Variants in CNTN5 observed in about 807,000 individuals in gnomAD.
CNTN5 encodes the protein contactin-5.
In CNTN5, 77 loss-of-function variants were observed where a neutral mutation model predicts 129.1. The ratio of observed to expected loss-of-function variants is 0.60; its 90% CI spans 0.50 to 0.72. CNTN5 has a LOEUF of 0.72. Ranked by LOEUF, CNTN5 falls within the 30% of genes least tolerant of loss-of-function variation. The pLI is 0.00. For synonymous variants in CNTN5, 509 were observed against 465.6 expected, an observed-to-expected ratio of 1.09 and a Z score of -1.20; for missense variants, 1,478 against 1,328.8, an observed-to-expected ratio of 1.11 and a Z score of -1.75.
At chr11:99,606,636 C>G (rs1167708250) in intron 3 of CNTN5, among the ~76,000 whole-genome samples, 12 of 137,112 alleles carry the variant, frequency 8.8e-5, no homozygotes, top group Non-Finnish European at 1.5e-4. Context: ...GCCCGCATCA[C>G]CAAGTCAATC....
In CNTN5 at chr11:100,086,429, A is replaced by C. The variant is rs534459606; in HGVS notation, c.1580+12135A>C. 2.0e-5 allele frequency among the ~76,000 whole-genome samples: 3 copies of C among 151,212 alleles called. No homozygotes were observed. The East Asian group carries it at 5.8e-4, about 29-fold the overall frequency. On this transcript the variant is annotated intron_variant, in intron 13 of 24. Transcript: ENST00000524871. ...GTGCAACCAGTAAAAGCATTGAAAT[A>C]AGGTATGCTATTTCCAAACTAGTTA...
intron 3 of CNTN5, among the ~76,000 whole-genome samples, chr11:99,719,947 T>G (rs914029966): frequency 3.3e-5 from 5 of 152,104 alleles, no homozygotes; most frequent in African/African-American, 1.2e-4. Context: ...GATAAATTAC[T>G]GGACACATAC....
intron 19 of CNTN5, 56 bp downstream of exon 19, chr11:100,297,751 G>T (rs1951127275): frequency 7.8e-7 from 1 of 1,287,224 alleles, no homozygotes; most frequent in South Asian, 1.3e-5. Flanking sequence ...GGCTTAGTGT[G>T]ATATTTAATT....
chr11:100,251,328 G>A (rs1026001806), intron 16 of CNTN5, among the ~76,000 whole-genome samples: 1 of 152,034 alleles, frequency 6.6e-6, no homozygotes, highest in African/African-American at 2.4e-5. Flanking sequence ...TGTATCCCAG[G>A]ATGTACATAG....
intron 3 of CNTN5, among the ~76,000 whole-genome samples, chr11:99,589,197 G>T (rs1374390973): frequency 2.0e-5 from 3 of 152,148 alleles, no homozygotes; most frequent in African/African-American, 7.2e-5. Flanking sequence ...AGTGGTAAAT[G>T]CTTTATAAAT....
At position 99,956,861 on chromosome 11, in the gene CNTN5, C is replaced by T; in HGVS notation, c.729C>T (p.Ser243=). 6.2e-7 allele frequency: 1 copy of T among 1,613,842 alleles called. No individual in the cohort carries two copies. Among genetic ancestry groups the T allele is most frequent in the Non-Finnish European group, 8.5e-7 (1 of 1,179,796 alleles). The change falls in exon 8 of 25, where the codon AGC becomes AGT. Residue 243 remains serine (S), a synonymous_variant. Coordinates refer to ENST00000524871, the MANE Select transcript of CNTN5 (RefSeq NM_014361.4). ...TCCCTTCCTTTGTGGCGGAAGACAG[C>T]CGGCGGTTCATCTCCCAGGAGACAG... The part of the protein sequence containing the change: ...NEFPSFVAED[S]RRFISQETGN...
intron 2 of CNTN5, among the ~76,000 whole-genome samples, chr11:99,463,147 A>ATAAATAAATAAATAAATAAC (rs59230703): frequency 6.7e-6 from 1 of 149,202 alleles, no homozygotes; most frequent in African/African-American, 2.5e-5. Context: ...AAATAAATAA[A>ATAAATAAATAAATAAATAAC]AGTAAAAAAG....
At chr11:99,234,620 G>A (rs1017464803) in intron 1 of CNTN5, among the ~76,000 whole-genome samples, 9 of 151,938 alleles carry the variant, frequency 5.9e-5, no homozygotes, top group African/African-American at 2.2e-4. Flanking sequence ...CATGATCCAA[G>A]TCAGTTATTT....
intron 6 of CNTN5, among the ~76,000 whole-genome samples, chr11:99,908,731 A>G (rs2135981165): frequency 6.6e-6 from 1 of 152,212 alleles, no homozygotes; most frequent in East Asian, 1.9e-4. Flanking sequence ...TACAGGAGAA[A>G]AGACCTAAGA....
rs375474915 is a variant in CNTN5 at position 99,577,606 on chromosome 11, A to T, written c.55+21337A>T. 2.0e-5 allele frequency among the ~76,000 whole-genome samples: 3 copies of T among 152,248 alleles called. No homozygotes were observed. In the East Asian group the frequency reaches 5.8e-4, roughly 29 times the overall value. On this transcript the variant is annotated intron_variant, in intron 3 of 24. Coordinates refer to ENST00000524871, the MANE Select transcript of CNTN5 (RefSeq NM_014361.4). ...ATGTGTGACAGATGATTATTTTTCC[A>T]TTGAGCCCGATCATTAAAAATTTAT...
chr11:99,674,029 C>A (rs967777062), intron 3 of CNTN5, among the ~76,000 whole-genome samples: 1 of 152,116 alleles, frequency 6.6e-6, no homozygotes, highest in African/African-American at 2.4e-5. Context: ...TGAGGAATCC[C>A]CACACTGTTT....
At chr11:99,744,840 C>G (rs1944003287) in intron 3 of CNTN5, among the ~76,000 whole-genome samples, 1 of 151,916 alleles carries the variant, frequency 6.6e-6, no homozygotes, top group Admixed American at 6.6e-5. Flanking sequence ...AAAGCACATA[C>G]TATGTAGGGA....
intron 13 of CNTN5, among the ~76,000 whole-genome samples, chr11:100,129,584 A>T (rs1425306810): frequency 6.6e-6 from 1 of 152,158 alleles, no homozygotes; most frequent in Non-Finnish European, 1.5e-5. Flanking sequence ...CTCTCTGTGC[A>T]TGAATATTTT....
At chr11:100,074,862 T>A (rs747028746) in intron 13 of CNTN5, among the ~76,000 whole-genome samples, 16 of 151,136 alleles carry the variant, frequency 1.1e-4, no homozygotes, top group Non-Finnish European at 2.1e-4. Flanking sequence ...CCAAAGGATA[T>A]CACAGGAGTA....
chr11:99,260,914 A>G (rs1862596769), intron 1 of CNTN5, among the ~76,000 whole-genome samples: 1 of 151,968 alleles, frequency 6.6e-6, no homozygotes, highest in Non-Finnish European at 1.5e-5. Context: ...ACTCTTCGGA[A>G]GCAAGATGTG....
chr11:99,576,031 T>C (rs1157720678), intron 3 of CNTN5, among the ~76,000 whole-genome samples: 1 of 152,144 alleles, frequency 6.6e-6, no homozygotes, highest in Non-Finnish European at 1.5e-5. Context: ...ACTTGTGGCC[T>C]GTATATTCCA....
intron 2 of CNTN5, among the ~76,000 whole-genome samples, chr11:99,537,145 C>G: frequency 6.6e-6 from 1 of 152,090 alleles, no homozygotes. Flanking sequence ...AAAGGAAGAG[C>G]TGAAATTCAA....
intron 3 of CNTN5, among the ~76,000 whole-genome samples, chr11:99,712,391 C>T (rs633559): frequency 0.36 from 54,048 of 151,806 alleles, 9,719 homozygotes; most frequent in Middle Eastern, 0.45. Context: ...CTTTGTCAGA[C>T]GGATAGACTG....
chr11:100,326,266 T>C (rs1268217326), intron 21 of CNTN5, among the ~76,000 whole-genome samples: 3 of 152,054 alleles, frequency 2.0e-5, no homozygotes, highest in African/African-American at 7.2e-5. Flanking sequence ...TCATACATAA[T>C]AGGTATCTGC....
Sources: allele counts gnomAD v4.1 joint callset (sites outside exome capture counted in the v4.1 genomes callset), GRCh38; gene constraint gnomAD v4.1.1; transcripts MANE v1.5; gene names NCBI Gene and HGNC (gene_info 2026-07-23, HGNC 2026-07-21).